TAFA1: variants seen among roughly 807,000 people sequenced by gnomAD.
TAFA1 encodes TAFA chemokine like family member 1, also known as chemokine-like protein TAFA-1.
In TAFA1, 4 loss-of-function variants were observed where a neutral mutation model predicts 18.5. The ratio of observed to expected loss-of-function variants is 0.22; its 90% CI spans 0.11 to 0.49. TAFA1 has a LOEUF of 0.49. TAFA1 is among the 20% of genes least tolerant of loss of function. The pLI is 0.98. For missense variants in TAFA1, 147 were observed against 169.0 expected (o/e 0.87, Z 0.72); for synonymous variants, 56 against 55.2 (o/e 1.01, Z -0.06).
At chr3:68,120,246 T>C (rs1387978743) in intron 2 of TAFA1, among the ~76,000 whole-genome samples, 1 of 119,980 alleles carries the variant, frequency 8.3e-6, no homozygotes, top group Non-Finnish European at 1.8e-5. Flanking sequence ...TCTTTCTTTC[T>C]TTCTTTCTTT....
At chr3:68,076,939 T>A (rs950679399) in intron 2 of TAFA1, among the ~76,000 whole-genome samples, 3 of 152,180 alleles carry the variant, frequency 2.0e-5, no homozygotes, top group Non-Finnish European at 2.9e-5. Flanking sequence ...GTAAAAGTGT[T>A]CCTATTTCTC....
chr3:68,110,623 G>A (rs992127920), intron 2 of TAFA1, among the ~76,000 whole-genome samples: 3 of 152,142 alleles, frequency 2.0e-5, no homozygotes. Context: ...AGGAGGCAAG[G>A]TAGGACAATA....
rs143745521 is a variant in TAFA1, at chr3:68,517,338, A to G, written c.260-21418A>G. Among the ~76,000 whole-genome samples the G allele has an allele frequency of 2.9e-3, 445 of 152,336 alleles. 2 individuals are homozygous for G. The highest frequency in any genetic ancestry group is 0.01 in the African/African-American group (420 of 41,572). Reference sequence around the variant, plus strand: ...TAAGGTAATAATGTTTCCTTTTTACATAAAGTCATTGAATTAAAAGAATCA... The same window carrying G: ...TAAGGTAATAATGTTTCCTTTTTACGTAAAGTCATTGAATTAAAAGAATCA... On this transcript the variant is annotated intron_variant, in intron 3 of 4. Coordinates refer to ENST00000478136, the MANE Select transcript of TAFA1 (RefSeq NM_213609.4).
At chr3:68,425,463 A>G (rs1279610876) in intron 3 of TAFA1, among the ~76,000 whole-genome samples, 4 of 151,992 alleles carry the variant, frequency 2.6e-5, no homozygotes, top group African/African-American at 7.2e-5. Context: ...AGGATCTTGC[A>G]TAACATCTTT....
At chr3:68,114,091 G>T (rs2065297507) in intron 2 of TAFA1, among the ~76,000 whole-genome samples, 1 of 152,000 alleles carries the variant, frequency 6.6e-6, no homozygotes, top group African/African-American at 2.4e-5. Flanking sequence ...TTTTAGTAGA[G>T]ACAGGGTTTC....
intron 2 of TAFA1, among the ~76,000 whole-genome samples, chr3:68,312,767 C>G (rs963712020): frequency 6.6e-6 from 1 of 152,210 alleles, no homozygotes; most frequent in Non-Finnish European, 1.5e-5. Context: ...GTTTGAAAGT[C>G]TCTTCCACAT....
intron 2 of TAFA1, among the ~76,000 whole-genome samples, chr3:68,167,280 T>C (rs1049617757): frequency 6.6e-6 from 1 of 152,156 alleles, no homozygotes; most frequent in African/African-American, 2.4e-5. Context: ...AATCACTGCA[T>C]AAAAGTTAAA....
At chr3:68,164,056 G>C (rs1043645047) in intron 2 of TAFA1, among the ~76,000 whole-genome samples, 1 of 152,192 alleles carries the variant, frequency 6.6e-6, no homozygotes, top group Admixed American at 6.5e-5. Flanking sequence ...CTTTAGCTTG[G>C]ATTGCTGAAT....
chr3:68,250,775 T>C (rs1464524993), intron 2 of TAFA1: 3 of 151,504 alleles, frequency 2.0e-5, no homozygotes, highest in Non-Finnish European at 4.4e-5. Context: ...TAGTCATTTG[T>C]TGTTTTTTTT....
intron 2 of TAFA1, among the ~76,000 whole-genome samples, chr3:68,252,402 T>TA (rs1334232959): frequency 8.5e-5 from 13 of 152,238 alleles, no homozygotes; most frequent in African/African-American, 2.9e-4. Flanking sequence ...ATGCTATTCT[T>TA]AAAAAAATTA....
chr3:68,143,510 C>G (rs2065696603), intron 2 of TAFA1, among the ~76,000 whole-genome samples: 1 of 152,170 alleles, frequency 6.6e-6, no homozygotes, highest in Admixed American at 6.6e-5. Context: ...AGCATATTTA[C>G]TTTGGGGCCA....
At chr3:68,306,749 A>G (rs2068430607) in intron 2 of TAFA1, among the ~76,000 whole-genome samples, 1 of 152,116 alleles carries the variant, frequency 6.6e-6, no homozygotes, top group Non-Finnish European at 1.5e-5. Context: ...TAAGCCACCT[A>G]GGTTGCTATC....
At chr3:68,243,985 T>C (rs1371339114) in intron 2 of TAFA1, among the ~76,000 whole-genome samples, 1 of 152,210 alleles carries the variant, frequency 6.6e-6, no homozygotes, top group Non-Finnish European at 1.5e-5. Context: ...CATTCAGATA[T>C]ATGTGTAGTG....
At chr3:68,542,222 A>T in intron 4 of TAFA1, among the ~76,000 whole-genome samples, 1 of 152,154 alleles carries the variant, frequency 6.6e-6, no homozygotes, top group South Asian at 2.1e-4. Flanking sequence ...TTGGAGTAGA[A>T]TAAATCTGGC....
chr3:68,252,978 G>A (rs949382454), intron 2 of TAFA1, among the ~76,000 whole-genome samples: 1 of 152,168 alleles, frequency 6.6e-6, no homozygotes, highest in African/African-American at 2.4e-5. Context: ...TGTCATGCAA[G>A]ATGTGTCTTT....
chr3:68,245,030 G>C (rs529891551), intron 2 of TAFA1, among the ~76,000 whole-genome samples: 1 of 152,188 alleles, frequency 6.6e-6, no homozygotes, highest in African/African-American at 2.4e-5. Context: ...CATCTATCAA[G>C]CCTTTATTTT....
intron 2 of TAFA1, among the ~76,000 whole-genome samples, chr3:68,119,922 A>C (rs1483476774): frequency 1.3e-5 from 2 of 152,208 alleles, no homozygotes; most frequent in African/African-American, 4.8e-5. Flanking sequence ...TCCATACTCA[A>C]GTTTGAGAAC....
rs566040113 is a variant in TAFA1 at position 68,440,447 on chromosome 3, G to C, written c.259+23027G>C. On this transcript the variant is annotated intron_variant, in intron 3 of 4. Transcript: ENST00000478136. ...GGAAACAAAATGAAGATTTTTTATA[G>C]CACAAGTGTATACATGCACAAACAT... is the stretch of plus-strand genomic sequence containing the variant. Among the ~76,000 whole-genome samples the C allele has an allele frequency of 3.9e-5, 6 of 152,294 alleles. 1 individual carries two copies. In the South Asian group the frequency reaches 1.2e-3, roughly 32 times the overall value.
chr3:68,094,916 G>T (rs753991307), intron 2 of TAFA1, among the ~76,000 whole-genome samples: 1 of 152,130 alleles, frequency 6.6e-6, no homozygotes, highest in Admixed American at 6.5e-5. Context: ...AGTTGCTTTA[G>T]CTCCTGTTGG....
Sources: allele counts gnomAD v4.1 joint callset (sites outside exome capture counted in the v4.1 genomes callset), GRCh38; gene constraint gnomAD v4.1.1; transcripts MANE v1.5; gene names NCBI Gene and HGNC (gene_info 2026-07-23, HGNC 2026-07-21).